The following PA2G4 variants were observed in gnomAD, a reference collection of about 807,000 sequenced individuals.
PA2G4 encodes the protein proliferation-associated 2G4.
PA2G4 carries 8 observed loss-of-function variants against 53.3 expected under a neutral mutation model. The ratio of observed to expected loss-of-function variants is 0.15; its 90% CI spans 0.09 to 0.27. The LOEUF is 0.27. PA2G4 is among the 10% of genes least tolerant of loss of function. The pLI is 1.00. For missense variants in PA2G4, 208 were observed against 486.8 expected (o/e 0.43, Z 5.39); for synonymous variants, 143 against 169.8 (o/e 0.84, Z 1.23).
intron 11 of PA2G4, 37 bp from the exon 12 acceptor site, chr12:56,111,439 T>A: frequency 6.2e-7 from 1 of 1,611,436 alleles, no homozygotes; most frequent in South Asian, 1.1e-5. Flanking sequence ...TTCCTCCACA[T>A]TTCTCAAAAT....
chr12:56,111,900 GTCAGGAGTTTGAGA>G (rs1445893785), intron 12 of PA2G4, among the ~76,000 whole-genome samples: 2 of 151,226 alleles, frequency 1.3e-5, no homozygotes, highest in Non-Finnish European at 3.0e-5. Flanking sequence ...ATCACCTGAG[GTCAGGAGTTTGAGA>G]TCAGCCTGAC....
rs1869379907 is a variant in PA2G4 at position 56,109,771 on chromosome 12, A to G, written c.551-86A>G. ...TAACCAGGTAGTTGTCTCACTGCCT[A>G]CCACTTCAAACTACTGAAGTGGGTG... On this transcript the variant is annotated intron_variant, in intron 6 of 12. Coordinates refer to ENST00000303305, the MANE Select transcript of PA2G4 (RefSeq NM_006191.3). The G allele has an allele frequency of 8.9e-6, 8 of 897,922 alleles. No homozygotes were observed. In the South Asian group the frequency reaches 9.3e-5, roughly 10 times the overall value. The allele number at this position is 897,922 out of a possible 1,614,324, so 55.6% of individuals were successfully genotyped here.
intron 1 of PA2G4, among the ~76,000 whole-genome samples, chr12:56,105,992 G>A (rs889058125): frequency 6.6e-6 from 1 of 152,110 alleles, no homozygotes; most frequent in African/African-American, 2.4e-5. Context: ...CTGGTTTTTG[G>A]TGCCTTTTAG....
chr12:56,111,462 T>G lies in PA2G4; in HGVS notation c.1066-14T>G, dbSNP rs368303919. On this transcript the variant is annotated splice_polypyrimidine_tract_variant and intron_variant, in intron 11 of 12. Coordinates refer to ENST00000303305, the MANE Select transcript of PA2G4 (RefSeq NM_006191.3). ...CATTTCTCAAAATTTTTTTCCCTTC[T>G]TCCTGTTTTCCAGGCCCTCCTCCAG... The G allele has an allele frequency of 6.2e-7, 1 of 1,612,926 alleles. No homozygotes were observed. The highest frequency in any genetic ancestry group is 1.1e-5 in the South Asian group (1 of 90,740).
At chr12:56,107,342 CACGTAAGTTGA>C in intron 4 of PA2G4, 86 bp downstream of exon 4, 1 of 1,158,578 alleles carries the variant, frequency 8.6e-7, no homozygotes, top group South Asian at 1.2e-5. Context: ...CCCCAATCAC[CACGTAAGTTGA>C]GAGAGTCTCT....
At chr12:56,109,141 A>AAAG in intron 5 of PA2G4, 89 bp from the exon 6 acceptor site, 2 of 750,006 alleles carry the variant, frequency 2.7e-6, no homozygotes, top group South Asian at 1.6e-5. Flanking sequence ...AAAAAAAAAA[A>AAAG]CGCTCAGTTC....
At chr12:56,105,372 T>C (rs1211629352) in intron 1 of PA2G4, among the ~76,000 whole-genome samples, 1 of 152,170 alleles carries the variant, frequency 6.6e-6, no homozygotes, top group Non-Finnish European at 1.5e-5. Context: ...GCTGGAGCCT[T>C]TCCTTCTTTA....
intron 1 of PA2G4, chr12:56,105,229 A>G (rs1158660286): frequency 9.5e-6 from 4 of 422,442 alleles, no homozygotes; most frequent in South Asian, 7.0e-5. Context: ...CTGTTTTTGT[A>G]GCGTCTCCGG....
chr12:56,112,102 G>A lies in PA2G4; in HGVS notation c.1119+573G>A, dbSNP rs559600924. Among the ~76,000 whole-genome samples, 24 of 152,270 alleles carry A rather than the reference G, an allele frequency of 1.6e-4. No individual in the cohort carries two copies. In the South Asian group the frequency reaches 3.9e-3, roughly 25 times the overall value. ...GCGCTCCGGCCTGCGCAACAAGAGC[G>A]AAACTCTGTCTCCAAAAAAGAGATG... is the stretch of plus-strand genomic sequence containing the variant. On this transcript the variant is annotated intron_variant, in intron 12 of 12. Transcript: ENST00000303305.
At chr12:56,108,878 A>C (rs942880850) in intron 5 of PA2G4, among the ~76,000 whole-genome samples, 1 of 152,172 alleles carries the variant, frequency 6.6e-6, no homozygotes, top group African/African-American at 2.4e-5. Flanking sequence ...CTGTAATCCC[A>C]GCACTTTGGG....
chr12:56,110,889 A>C, intron 9 of PA2G4, 75 bp from the exon 10 acceptor site: 2 of 1,435,542 alleles, frequency 1.4e-6, no homozygotes, highest in Non-Finnish European at 1.9e-6. Context: ...GGTAGGAGCT[A>C]TTTTAAAATA....
chr12:56,104,805 T>TG lies in PA2G4; in HGVS notation c.74dup (p.Asp26ArgfsTer15). On this transcript the variant is annotated frameshift_variant, in exon 1 of 13. Coordinates refer to ENST00000303305, the MANE Select transcript of PA2G4 (RefSeq NM_006191.3). LOFTEE classifies it high-confidence loss of function. The stretch of plus-strand genomic sequence containing the variant: ...GACCTGGTCGTGACCAAGTATAAGA[T>TG]GGGGGGCGACATCGCCAACAGTGAG... The TG allele has an allele frequency of 6.2e-7, 1 of 1,612,788 alleles. No individual in the cohort carries two copies.
chr12:56,106,896 A>G, intron 2 of PA2G4, 94 bp from the exon 3 acceptor site: 2 of 1,301,092 alleles, frequency 1.5e-6, no homozygotes, highest in Non-Finnish European at 2.2e-6. Flanking sequence ...ATGAAACTTA[A>G]GCAAGACCCT....
chr12:56,110,707 T>G lies in PA2G4; in HGVS notation c.842+15T>G. The G allele has an allele frequency of 6.2e-7, 1 of 1,613,836 alleles. No individual in the cohort carries two copies. The highest frequency in any genetic ancestry group is 8.5e-7 in the Non-Finnish European group (1 of 1,179,834). On this transcript the variant is annotated intron_variant, in intron 9 of 12. Coordinates refer to ENST00000303305, the MANE Select transcript of PA2G4 (RefSeq NM_006191.3). ...TTTACTTTAAGGTACTAAGCAATGA[T>G]AGTACTTGGAACCAGTCTGACTCAC... is the stretch of plus-strand genomic sequence containing the variant.
At position 56,111,477 on chromosome 12, in the gene PA2G4, C is replaced by G; in HGVS notation, c.1067C>G (p.Ala356Gly). ...EMEVQDAELK[A>G]LLQSSASRKT... ...TTTTCCCTTCTTCCTGTTTTCCAGG[C>G]CCTCCTCCAGAGTTCTGCAAGTCGA... Residue 356 changes from alanine (A) to glycine (G), a missense_variant and splice_region_variant, in exon 12 of 13, where the codon GCC becomes GGC. Ala to Gly is a moderately conservative substitution (Grantham distance 60). Transcript: ENST00000303305. 6.2e-7 allele frequency: 1 copy of G among 1,613,596 alleles called. No homozygotes were observed. The highest frequency in any genetic ancestry group is 8.5e-7 in the Non-Finnish European group (1 of 1,179,870).
At chr12:56,107,288 C>T (rs1869321467) in intron 4 of PA2G4, 32 bp downstream of exon 4, 1 of 1,558,758 alleles carries the variant, frequency 6.4e-7, no homozygotes, top group Non-Finnish European at 8.8e-7. Flanking sequence ...TCTGTTTAGC[C>T]TTGGGGTAGA....
At chr12:56,109,368 C>A in intron 6 of PA2G4, 75 bp downstream of exon 6, 2 of 1,126,386 alleles carry the variant, frequency 1.8e-6, no homozygotes, top group South Asian at 1.2e-5. Context: ...GCCTGTAATC[C>A]CAGAACTTTG....
intron 1 of PA2G4, 144 bp downstream of exon 1, chr12:56,104,969 G>C (rs1869264013): frequency 1.2e-6 from 1 of 817,842 alleles, no homozygotes; most frequent in Admixed American, 1.9e-5. Flanking sequence ...GTGGTGGGAA[G>C]ACCCGGTGTC....
chr12:56,110,073 TC>T (rs1869387509), intron 7 of PA2G4, 138 bp downstream of exon 7: 10 of 710,408 alleles, frequency 1.4e-5, no homozygotes, highest in Non-Finnish European at 2.2e-5. Flanking sequence ...ATTCCCTTTC[TC>T]TAGGCCGGGC....
Sources: gnomAD v4.1 joint callset for allele counts (sites outside exome capture counted in the v4.1 genomes callset) on GRCh38, gnomAD v4.1.1 for gene constraint, MANE v1.5 for transcripts, NCBI Gene and HGNC (gene_info 2026-07-23, HGNC 2026-07-21) for gene names.